The following WDPCP variants were observed in gnomAD, a reference collection of about 807,000 sequenced individuals.
WDPCP encodes WD repeat-containing and planar cell polarity effector protein fritz homolog.
A neutral mutation model predicts 93.1 loss-of-function variants in WDPCP; 71 were observed. The observed-to-expected ratio is 0.76, with a 90% confidence interval of 0.63 to 0.93. The LOEUF is 0.93. WDPCP is among the 40% of genes least tolerant of loss of function. WDPCP has a pLI of 0.00. For synonymous variants in WDPCP, 315 were observed against 315.0 expected, an observed-to-expected ratio of 1.00 and a Z score of 0.00; for missense variants, 844 against 887.4, an observed-to-expected ratio of 0.95 and a Z score of 0.62.
At chr2:63,534,074 T>C (rs1394414869) in intron 1 of WDPCP, among the ~76,000 whole-genome samples, 1 of 152,052 alleles carries the variant, frequency 6.6e-6, no homozygotes, top group Non-Finnish European at 1.5e-5. Flanking sequence ...CAGAGAATAC[T>C]ACAAACACCT....
chr2:63,556,935 G>C (rs568875829), intron 1 of WDPCP, among the ~76,000 whole-genome samples: 1 of 152,098 alleles, frequency 6.6e-6, no homozygotes, highest in South Asian at 2.1e-4. Context: ...ATAAGTGAAG[G>C]GGAAATAAAA....
chr2:63,540,311 T>C (rs1704611762), intron 1 of WDPCP, among the ~76,000 whole-genome samples: 1 of 152,210 alleles, frequency 6.6e-6, no homozygotes, highest in Non-Finnish European at 1.5e-5. Context: ...ATTATTCTAA[T>C]GAATTAAGAG....
At position 63,808,915 on chromosome 2, in the gene WDPCP, G is replaced by A. The variant is rs918491330; in HGVS notation, n.308+4707C>T. Among the ~76,000 whole-genome samples, 70 of 151,994 alleles carry A rather than the reference G, an allele frequency of 4.6e-4. 1 individual carries two copies. The highest frequency in any genetic ancestry group is 1.5e-3 in the African/African-American group (64 of 41,410). On this transcript the variant is annotated intron_variant and non_coding_transcript_variant, in intron 2 of 4. Transcript: ENST00000467687. ...AAATGAGGAGCGCCTCTTCCCGGCC[G>A]CCATCCCATCTAGGAAGTGAGGAGT...
intron 2 of WDPCP, among the ~76,000 whole-genome samples, chr2:63,763,679 T>C (rs991775744): frequency 1.3e-5 from 2 of 152,192 alleles, no homozygotes; most frequent in African/African-American, 4.8e-5. Context: ...GTGTTTTGAT[T>C]AGTGAAATTA....
At chr2:63,719,318 G>A (rs1669382668) in intron 2 of WDPCP, among the ~76,000 whole-genome samples, 1 of 152,132 alleles carries the variant, frequency 6.6e-6, no homozygotes, top group South Asian at 2.1e-4. Context: ...GTGCAGGGAG[G>A]GAATGTGGGA....
chr2:63,608,271 A>G (rs1303220676), intron 3 of WDPCP, among the ~76,000 whole-genome samples: 1 of 152,180 alleles, frequency 6.6e-6, no homozygotes, highest in Non-Finnish European at 1.5e-5. Context: ...AAACCACTAA[A>G]TACCACAGAA....
At chr2:63,307,385 A>C (rs1191184831) in intron 13 of WDPCP, among the ~76,000 whole-genome samples, 1 of 152,314 alleles carries the variant, frequency 6.6e-6, no homozygotes, top group East Asian at 1.9e-4. Context: ...TAGAAACAAA[A>C]CTACTTTAAA....
intron 1 of WDPCP, among the ~76,000 whole-genome samples, chr2:63,531,748 TG>T (rs1056260975): frequency 2.0e-5 from 3 of 152,056 alleles, no homozygotes; most frequent in African/African-American, 7.2e-5. Context: ...ACCACAAAGA[TG>T]GGGGGAAACC....
chr2:63,747,395 T>C (rs1669815373), intron 2 of WDPCP, among the ~76,000 whole-genome samples: 2 of 152,278 alleles, frequency 1.3e-5, no homozygotes, highest in South Asian at 2.1e-4. Flanking sequence ...TCCTATGTAT[T>C]TTTTTAAAGG....
intron 6 of WDPCP, among the ~76,000 whole-genome samples, chr2:63,458,122 CAAAA>C (rs1225404392): frequency 1.8e-5 from 1 of 56,402 alleles, no homozygotes. Context: ...GACTCCGTCT[CAAAA>C]AAAAAAAAAA....
intron 1 of WDPCP, among the ~76,000 whole-genome samples, chr2:63,821,933 T>G (rs764022373): frequency 6.6e-6 from 1 of 152,084 alleles, no homozygotes; most frequent in Non-Finnish European, 1.5e-5. Flanking sequence ...CTAATTAACA[T>G]AAGACTAAAA....
chr2:63,480,480 G>C (rs929327055), intron 6 of WDPCP, among the ~76,000 whole-genome samples: 1 of 151,868 alleles, frequency 6.6e-6, no homozygotes, highest in Non-Finnish European at 1.5e-5. Flanking sequence ...TCCTGACTTC[G>C]AACTATAATA....
chr2:63,178,683 T>A (rs1344361039), intron 14 of WDPCP, among the ~76,000 whole-genome samples: 1 of 152,144 alleles, frequency 6.6e-6, no homozygotes, highest in African/African-American at 2.4e-5. Context: ...TTTTTTCTAT[T>A]GCTTTTGTAT....
At chr2:63,127,364 C>T (rs1307990291) in intron 17 of WDPCP, among the ~76,000 whole-genome samples, 1 of 151,872 alleles carries the variant, frequency 6.6e-6, no homozygotes, top group African/African-American at 2.4e-5. Context: ...ACCTCGTGAT[C>T]TGCCCGCCTC....
At chr2:63,523,768 G>A (rs1217999996) in intron 1 of WDPCP, among the ~76,000 whole-genome samples, 1 of 146,978 alleles carries the variant, frequency 6.8e-6, no homozygotes, top group Non-Finnish European at 1.5e-5. Flanking sequence ...AAAATTCGCT[G>A]GGCATGGTGG....
chr2:63,166,528 C>G (rs1672996120), intron 15 of WDPCP, among the ~76,000 whole-genome samples: 1 of 152,082 alleles, frequency 6.6e-6, no homozygotes, highest in Non-Finnish European at 1.5e-5. Flanking sequence ...CCTCACTCTT[C>G]CTGAGGCGTG....
chr2:63,818,506 G>A (rs907231736), intron 1 of WDPCP, among the ~76,000 whole-genome samples: 2 of 152,140 alleles, frequency 1.3e-5, no homozygotes, highest in African/African-American at 4.8e-5. Flanking sequence ...TAATTACTAA[G>A]AAAACATATA....
intron 17 of WDPCP, among the ~76,000 whole-genome samples, chr2:63,128,029 C>T (rs950861568): frequency 2.6e-5 from 4 of 152,058 alleles, no homozygotes; most frequent in Non-Finnish European, 5.9e-5. Context: ...ATCCCAGCTA[C>T]TCTGGAGGCT....
Position 63,157,596 on chromosome 2 carries a change from C to A in WDPCP, c.2079-4022G>T, listed in dbSNP as rs1206722136. On this transcript the variant is annotated intron_variant, in intron 15 of 17. Coordinates refer to ENST00000272321, the MANE Select transcript of WDPCP (RefSeq NM_015910.7). ...GCCATAGGATTCAGATGATCTCTTT[C>A]ATTTTCTGCCAGTTTGGTAGTTTGT... Among the ~76,000 whole-genome samples, 4 of 152,122 alleles carry A rather than the reference C, an allele frequency of 2.6e-5. No individual in the cohort carries two copies. In the East Asian group the frequency reaches 7.7e-4, roughly 29 times the overall value.
Sources: allele counts gnomAD v4.1 joint callset (sites outside exome capture counted in the v4.1 genomes callset), GRCh38; gene constraint gnomAD v4.1.1; transcripts MANE v1.5; gene names NCBI Gene and HGNC (gene_info 2026-07-23, HGNC 2026-07-21).